The following ODAD1 variants were observed in gnomAD, a reference collection of about 807,000 sequenced individuals.
ODAD1 encodes outer dynein arm docking complex subunit 1, also known as outer dynein arm-docking complex subunit 1.
A neutral mutation model predicts 67.2 loss-of-function variants in ODAD1; 49 were observed. The observed-to-expected ratio is 0.73, with a 90% CI of 0.58 to 0.92. ODAD1 has a LOEUF of 0.92. Ranked by LOEUF, ODAD1 falls within the 40% of genes least tolerant of loss-of-function variation. The probability of loss-of-function intolerance (pLI) is 0.00; values close to 1 mark genes in which losing one functional copy is unlikely to be tolerated. For missense variants in ODAD1, 897 were observed against 953.7 expected, an observed-to-expected ratio of 0.94 and a Z score of 0.78; for synonymous variants, 345 against 393.7, an observed-to-expected ratio of 0.88 and a Z score of 1.46.
At chr19:48,306,510 G>A (rs961609745) in intron 7 of ODAD1, among the ~76,000 whole-genome samples, 187 bp from the exon 8 acceptor site, 2 of 152,172 alleles carry the variant, frequency 1.3e-5, no homozygotes, top group African/African-American at 2.4e-5. Flanking sequence ...TGATAAGCTG[G>A]ATCAAAAGGC....
At chr19:48,306,436 A>C in intron 7 of ODAD1, 113 bp from the exon 8 acceptor site, 1 of 838,712 alleles carries the variant, frequency 1.2e-6, no homozygotes, top group Non-Finnish European at 1.9e-6. Flanking sequence ...GAGCCTTCCA[A>C]ATGTGGACCC....
intron 12 of ODAD1, among the ~76,000 whole-genome samples, chr19:48,298,849 C>T (rs1968379172): frequency 6.6e-6 from 1 of 152,196 alleles, no homozygotes; most frequent in African/African-American, 2.4e-5. Context: ...CCTCCAGGGC[C>T]TCTCCCCACT....
chr19:48,306,124 AG>A, intron 8 of ODAD1, 131 bp downstream of exon 8: 1 of 1,330,898 alleles, frequency 7.5e-7, no homozygotes, highest in East Asian at 2.6e-5. Context: ...AGAGAGAAAA[AG>A]GGGATATTAT....
chr19:48,305,186 G>T (rs770504626), intron 8 of ODAD1, among the ~76,000 whole-genome samples: 5 of 152,160 alleles, frequency 3.3e-5, no homozygotes, highest in Non-Finnish European at 5.9e-5. Context: ...AAGAGACAGG[G>T]ATGGAGTGAG....
Position 48,314,390 on chromosome 19 carries a change from A to G in ODAD1, c.361-2274T>C, listed in dbSNP as rs550907021. On this transcript the variant is annotated intron_variant, in intron 5 of 15. Coordinates refer to ENST00000674294, the MANE Select transcript of ODAD1 (RefSeq NM_001364171.2). Reference sequence around the variant, plus strand: ...ATATTTTTGTTATACGAGCCACCCAATTTGTGGAACTTTGTCATAGCAGCC... The same window carrying G: ...ATATTTTTGTTATACGAGCCACCCAGTTTGTGGAACTTTGTCATAGCAGCC... 2.0e-5 allele frequency among the ~76,000 whole-genome samples: 3 copies of G among 152,330 alleles called. No homozygotes were observed. The East Asian group carries it at 5.8e-4, about 29-fold the overall frequency.
rs1421531868 is a variant in ODAD1, at chr19:48,312,078, CT to C, written c.398del (p.Lys133ArgfsTer23). On this transcript the variant is annotated frameshift_variant, in exon 6 of 16. Coordinates refer to ENST00000674294, the MANE Select transcript of ODAD1 (RefSeq NM_001364171.2). LOFTEE classifies it high-confidence loss of function. ...EWETRIFTHS[K>X]NVRSPGFILD... ...GGATGAATCCCGGGGACCTGACATT[CT>C]TACTGTGGGTAAAGATCCGCGTCTC... 2 of 1,550,900 alleles carry C rather than the reference CT, an allele frequency of 1.3e-6. No homozygotes were observed. Among genetic ancestry groups the C allele is most frequent in the South Asian group, 1.2e-5 (1 of 84,030 alleles).
At chr19:48,319,042 C>A (rs1569013281) in intron 3 of ODAD1, among the ~76,000 whole-genome samples, 1 of 152,096 alleles carries the variant, frequency 6.6e-6, no homozygotes, top group Non-Finnish European at 1.5e-5. Context: ...AAAACCCACT[C>A]CCATCCCACC....
In ODAD1 at chr19:48,302,747, C is replaced by A. The variant is rs139618333; in HGVS notation, c.1187G>T (p.Arg396Leu). 1 of 1,613,428 alleles carries A rather than the reference C, an allele frequency of 6.2e-7. No homozygotes were observed. Among genetic ancestry groups the A allele is most frequent in the Admixed American group, 1.7e-5 (1 of 60,014 alleles). The change falls in exon 12 of 16, where the codon CGC becomes CTC. Residue 396 changes from arginine to leucine, a missense_variant. Transcript: ENST00000674294. ...RMDKVHSEAE[R>L]LEARFQDVRG... ...CACATCCTGGAAGCGGGCCTCAAGG[C>A]GCTCAGCCTCCGAGTGCACCTTGTC...
intron 14 of ODAD1, 157 bp downstream of exon 14, chr19:48,297,843 T>C: frequency 1.2e-6 from 1 of 820,502 alleles, no homozygotes; most frequent in Non-Finnish European, 1.8e-6. Context: ...CCCTACTCCT[T>C]CTGGCTGCCT....
At chr19:48,314,932 C>T (rs1968860126) in intron 5 of ODAD1, among the ~76,000 whole-genome samples, 1 of 151,372 alleles carries the variant, frequency 6.6e-6, no homozygotes, top group Non-Finnish European at 1.5e-5. Context: ...GGTGACTGAG[C>T]GAGACTCCAC....
chr19:48,314,920 T>C (rs1333876042), intron 5 of ODAD1, among the ~76,000 whole-genome samples: 1 of 151,072 alleles, frequency 6.6e-6, no homozygotes, highest in African/African-American at 2.4e-5. Context: ...CACTCCAGCC[T>C]GGGTGACTGA....
intron 5 of ODAD1, among the ~76,000 whole-genome samples, chr19:48,314,208 T>C (rs891394157): frequency 1.3e-5 from 2 of 152,058 alleles, no homozygotes; most frequent in African/African-American, 4.8e-5. Context: ...TTGGGTGACA[T>C]GTCTACAAGC....
Position 48,297,299 on chromosome 19 carries a change from C to T in ODAD1, c.1801G>A (p.Gly601Ser), listed in dbSNP as rs753419095. The change falls in exon 16 of 16, where the codon GGC becomes AGC. Residue 601 changes from glycine (G) to serine (S), a missense_variant. Physicochemically the swap from Gly to Ser is moderately conservative, Grantham distance 56 (BLOSUM62 0). Coordinates refer to ENST00000674294, the MANE Select transcript of ODAD1 (RefSeq NM_001364171.2). ...AAATGCCCAGTGCTGGAGCTGAGGC[C>T]GCCAAAAGTGACGTGGCCAAGAGAG... ...RGSLGHVTFGGLSSSTGHLPS... is the reference protein window; with the variant it reads ...RGSLGHVTFGSLSSSTGHLPS... 8 of 1,613,742 alleles carry T rather than the reference C, an allele frequency of 5.0e-6. No homozygotes were observed. The highest frequency in any genetic ancestry group is 1.3e-5 in the African/African-American group (1 of 74,890).
chr19:48,316,260 A>G (rs187371275), intron 5 of ODAD1, among the ~76,000 whole-genome samples: 53 of 152,262 alleles, frequency 3.5e-4, no homozygotes, highest in Admixed American at 1.5e-3. Context: ...ACACACCTGT[A>G]ATCCCAGCTA....
At chr19:48,312,840 G>A (rs1016584484) in intron 5 of ODAD1, among the ~76,000 whole-genome samples, 3 of 152,178 alleles carry the variant, frequency 2.0e-5, no homozygotes, top group Non-Finnish European at 4.4e-5. Context: ...GGACAGAAGT[G>A]GAGATGAGAG....
At position 48,306,294 on chromosome 19, in the gene ODAD1, G is replaced by C. The variant is rs919043631; in HGVS notation, c.627C>G (p.Ser209Arg). The C allele has an allele frequency of 1.3e-6, 2 of 1,551,634 alleles. No individual in the cohort carries two copies. Among genetic ancestry groups the C allele is most frequent in the Admixed American group, 3.9e-5 (2 of 50,984 alleles). ...KEIHHLHHLVSTLILSSTSAY... is the reference protein window; with the variant it reads ...KEIHHLHHLVRTLILSSTSAY... ...CAGAGGTGGAGGAGAGGATAAGGGT[G>C]CTGACCAGGTGATGCAGGTGGTGGA... Residue 209 changes from serine (S) to arginine (R), a missense_variant, in exon 8 of 16, where the codon AGC becomes AGG. Transcript: ENST00000674294.
Position 48,318,810 on chromosome 19 carries a change from C to A in ODAD1, c.73G>T (p.Asp25Tyr). 2 of 1,546,366 alleles carry A rather than the reference C, an allele frequency of 1.3e-6. No homozygotes were observed. The highest frequency in any genetic ancestry group is 2.4e-5 in the South Asian group (2 of 83,978). ...CGCTGCAGCCTACTCAGCTCCCAAT[C>A]CACTGAGAACAGGGCCAGCCAAGGG... is the stretch of plus-strand genomic sequence containing the variant. ...GSEAFLEGMV[D>Y]WELSRLQRQC... is the part of the protein sequence containing the mutation. The change falls in exon 4 of 16, where the codon GAT becomes TAT. Residue 25 changes from aspartate (D) to tyrosine (Y), a missense_variant and splice_region_variant. By Grantham distance (160) the Asp-to-Tyr change is radical (BLOSUM62 -3). Transcript: ENST00000674294.
rs1447901629 is a variant in ODAD1 at position 48,304,126 on chromosome 19, G to C, written c.680C>G (p.Ala227Gly). Residue 227 changes from alanine (A) to glycine (G), a missense_variant, in exon 9 of 16, where the codon GCC (alanine) becomes GGC (glycine). Coordinates refer to ENST00000674294, the MANE Select transcript of ODAD1 (RefSeq NM_001364171.2). ...GCGCTCCCGCAGCAAGCCCATCTTGGCCTTCGCCTCCTCCCTGCGGGGGTC... is the reference window on the plus strand; with the variant it reads ...GCGCTCCCGCAGCAAGCCCATCTTGCCCTTCGCCTCCTCCCTGCGGGGGTC... Reference protein sequence around the residue: ...SAYAVREEAKAKMGLLRERAE... With the variant: ...SAYAVREEAKGKMGLLRERAE... The C allele has an allele frequency of 6.2e-7, 1 of 1,608,864 alleles. No homozygotes were observed. The highest frequency in any genetic ancestry group is 1.1e-5 in the South Asian group (1 of 90,990).
intron 8 of ODAD1, among the ~76,000 whole-genome samples, chr19:48,305,891 T>A (rs1023804524): frequency 1.3e-5 from 2 of 151,850 alleles, no homozygotes; most frequent in Non-Finnish European, 2.9e-5. Context: ...AAACCCCATC[T>A]CTACTAAAAA....
Sources: allele counts gnomAD v4.1 joint callset (sites outside exome capture counted in the v4.1 genomes callset), GRCh38; gene constraint gnomAD v4.1.1; transcripts MANE v1.5; gene names NCBI Gene and HGNC (gene_info 2026-07-23, HGNC 2026-07-21).